The following COMT variants were observed in gnomAD, a reference collection of about 807,000 sequenced individuals.
The protein encoded by COMT is catechol O-methyltransferase.
In COMT, 13 loss-of-function variants were observed where a neutral mutation model predicts 18.9. The ratio of observed to expected loss-of-function variants is 0.69; its 90% CI spans 0.45 to 1.09. The LOEUF (loss-of-function observed/expected upper bound fraction) is 1.09, where lower values mean the gene tolerates loss of function less well. COMT is among the 50% of genes least tolerant of loss of function. The probability of loss-of-function intolerance (pLI) is 0.00; values close to 1 mark genes in which losing one functional copy is unlikely to be tolerated. For missense variants in COMT, 329 were observed against 361.8 expected (o/e 0.91, Z 0.73); for synonymous variants, 150 against 160.9 (o/e 0.93, Z 0.51).
In COMT at chr22:19,964,164, C is replaced by T. The variant is rs764440706; in HGVS notation, c.484-4C>T. The stretch of plus-strand genomic sequence containing the variant: ...GACGTGGGCACTGACAGGCGCTGTT[C>T]CAGGTCACCCTTGTGGTTGGAGCGT... On this transcript the variant is annotated splice_region_variant and splice_polypyrimidine_tract_variant and intron_variant, in intron 4 of 5. Coordinates refer to ENST00000361682, the MANE Select transcript of COMT (RefSeq NM_000754.4). The T allele has an allele frequency of 6.2e-6, 10 of 1,614,034 alleles. No individual in the cohort carries two copies. Among genetic ancestry groups the T allele is most frequent in the Non-Finnish European group, 8.5e-6 (10 of 1,180,032 alleles).
intron 1 of COMT, among the ~76,000 whole-genome samples, chr22:19,956,025 A>G (rs1319788728): frequency 6.6e-6 from 1 of 152,094 alleles, no homozygotes; most frequent in Non-Finnish European, 1.5e-5. Context: ...CAAAGTGTCA[A>G]TCACTCTTCT....
At chr22:19,958,575 T>TAAAAAAAAAA (rs361574) in intron 1 of COMT, among the ~76,000 whole-genome samples, 1 of 121,664 alleles carries the variant, frequency 8.2e-6, no homozygotes, top group Non-Finnish European at 1.7e-5. Flanking sequence ...TTATTTTCCT[T>TAAAAAAAAAA]AAAAAAAAAA....
intron 1 of COMT, among the ~76,000 whole-genome samples, chr22:19,947,534 C>A (rs1475954280): frequency 6.6e-6 from 1 of 151,772 alleles, no homozygotes; most frequent in African/African-American, 2.4e-5. Flanking sequence ...GGGGCCCTTC[C>A]CTGTTTGGCA....
At position 19,968,581 on chromosome 22, in the gene COMT, G is replaced by A. The variant is rs775712233; in HGVS notation, c.661G>A (p.Val221Met). Residue 221 changes from valine (V) to methionine (M), a missense_variant, in exon 6 of 6, where the codon GTG becomes ATG. By Grantham distance (21) the Val-to-Met change is conservative. Transcript: ENST00000361682. The stretch of plus-strand genomic sequence containing the variant: ...GGGGACAGTGCTACTGGCTGACAAC[G>A]TGATCTGCCCAGGTGCGCCAGACTT... The part of the protein sequence containing the change: ...RKGTVLLADN[V>M]ICPGAPDFLA... 26 of 1,613,972 alleles carry A rather than the reference G, an allele frequency of 1.6e-5. No individual in the cohort carries two copies. The Admixed American group carries it at 3.8e-4, about 24-fold the overall frequency.
chr22:19,964,674 C>A (rs1438612056), intron 5 of COMT: 2 of 575,464 alleles, frequency 3.5e-6, no homozygotes, highest in Non-Finnish European at 6.2e-6. Flanking sequence ...CTCCCCCAAG[C>A]AAGCCACTGC....
At chr22:19,953,970 G>A (rs1261619529) in intron 1 of COMT, among the ~76,000 whole-genome samples, 1 of 152,208 alleles carries the variant, frequency 6.6e-6, no homozygotes, top group African/African-American at 2.4e-5. Context: ...TGGAAGGGAG[G>A]GGAGGGGGCC....
At chr22:19,944,262 T>C (rs1019899735) in intron 1 of COMT, among the ~76,000 whole-genome samples, 6 of 152,160 alleles carry the variant, frequency 3.9e-5, no homozygotes, top group Non-Finnish European at 8.8e-5. Context: ...ACCTCAAGGA[T>C]AGGCCGGGCC....
Position 19,968,711 on chromosome 22 carries a change from G to T in COMT, c.791G>T (p.Gly264Val), listed in dbSNP as rs1030230368. The T allele has an allele frequency of 1.9e-6, 3 of 1,612,076 alleles. No homozygotes were observed. The Admixed American group carries it at 5.0e-5, about 27-fold the overall frequency. The change falls in exon 6 of 6, where the codon GGC becomes GTC. Residue 264 changes from glycine to valine, a missense_variant. Physicochemically the swap from Gly to Val is moderately radical, Grantham distance 109 (BLOSUM62 -3). Coordinates refer to ENST00000361682, the MANE Select transcript of COMT (RefSeq NM_000754.4). ...VDGLEKAIYKGPGSEAGP is the reference protein window; with the variant it reads ...VDGLEKAIYKVPGSEAGP ...GGCCTGGAGAAGGCCATCTACAAGG[G>T]CCCAGGCAGCGAAGCAGGGCCCTGA... is the stretch of plus-strand genomic sequence containing the variant.
In COMT at chr22:19,959,611, G is replaced by A. The variant is rs932108816; in HGVS notation, c.-91-1588G>A. ...GTGGGCAGGGGCCAGGGCTCTGTTG[G>A]TGGCCCGGGGCAGCCAGTCCCTCTG... On this transcript the variant is annotated intron_variant, in intron 1 of 5. Transcript: ENST00000361682. Among the ~76,000 whole-genome samples the A allele has an allele frequency of 2.6e-5, 4 of 152,364 alleles. No homozygotes were observed. The East Asian group carries it at 7.7e-4, about 29-fold the overall frequency.
intron 5 of COMT, 59 bp downstream of exon 5, chr22:19,964,358 C>A (rs111751566): frequency 1.1e-5 from 17 of 1,612,210 alleles, no homozygotes; most frequent in Middle Eastern, 1.7e-4. Flanking sequence ...ATTCAGTCAG[C>A]CTCAGCCTCT....
At chr22:19,960,315 T>A (rs1321245537) in intron 1 of COMT, among the ~76,000 whole-genome samples, 2 of 152,176 alleles carry the variant, frequency 1.3e-5, no homozygotes, top group Non-Finnish European at 2.9e-5. Context: ...ATACTAGTAG[T>A]CATTATAGAT....
intron 1 of COMT, among the ~76,000 whole-genome samples, chr22:19,959,799 TCCCCCA>T: frequency 6.9e-6 from 1 of 144,956 alleles, no homozygotes; most frequent in South Asian, 2.2e-4. Context: ...CACTTCCCCA[TCCCCCA>T]TGGCTCTTGG....
chr22:19,968,661 C>T lies in COMT; in HGVS notation c.741C>T (p.Phe247=), dbSNP rs546326145. ...TTGAGTGCACACACTACCAATCGTT[C>T]CTGGAATACAGGGAGGTGGTGGACG... ...SCFECTHYQS[F]LEYREVVDGL... The change falls in exon 6 of 6, where the codon TTC becomes TTT. Residue 247 remains phenylalanine, a synonymous_variant. Coordinates refer to ENST00000361682, the MANE Select transcript of COMT (RefSeq NM_000754.4). 1.2e-6 allele frequency: 2 copies of T among 1,614,076 alleles called. No individual in the cohort carries two copies. The highest frequency in any genetic ancestry group is 4.5e-5 in the East Asian group (2 of 44,884).
rs889790482 is a variant in COMT at position 19,968,882 on chromosome 22, C to T, written c.*146C>T. 3 of 702,900 alleles carry T rather than the reference C, an allele frequency of 4.3e-6. No individual in the cohort carries two copies. In the Admixed American group the frequency reaches 6.5e-5, roughly 15 times the overall value. 43.5% of individuals were successfully genotyped at this position (702,900 alleles called of 1,614,324 possible). On this transcript the variant is annotated 3_prime_UTR_variant, in exon 6 of 6. Transcript: ENST00000361682. ...CGAGGCCTGCGCCCTGACATGCTAACCTCTCTGAACTGCAACACTGGATTG... is the reference window on the plus strand; with the variant it reads ...CGAGGCCTGCGCCCTGACATGCTAATCTCTCTGAACTGCAACACTGGATTG...
At chr22:19,957,939 G>T (rs1942100870) in intron 1 of COMT, among the ~76,000 whole-genome samples, 1 of 152,108 alleles carries the variant, frequency 6.6e-6, no homozygotes, top group Admixed American at 6.5e-5. Context: ...TATCCATTCA[G>T]GTGCTAACGG....
Position 19,968,621 on chromosome 22 carries a change from G to A in COMT, c.701G>A (p.Arg234His), listed in dbSNP as rs200150695. The A allele has an allele frequency of 1.1e-5, 18 of 1,613,970 alleles. No homozygotes were observed. Among genetic ancestry groups the A allele is most frequent in the Admixed American group, 1.7e-5 (1 of 60,014 alleles). The change falls in exon 6 of 6, where the codon CGC (arginine) becomes CAC (histidine). Residue 234 changes from arginine (R) to histidine (H), a missense_variant. Arg to His is a conservative substitution (Grantham distance 29). Coordinates refer to ENST00000361682, the MANE Select transcript of COMT (RefSeq NM_000754.4). Reference sequence around the variant, plus strand: ...GCGCCAGACTTCCTAGCACACGTGCGCGGGAGCAGCTGCTTTGAGTGCACA... The same window carrying A: ...GCGCCAGACTTCCTAGCACACGTGCACGGGAGCAGCTGCTTTGAGTGCACA... Reference protein sequence around the residue: ...PGAPDFLAHVRGSSCFECTHY... With the variant: ...PGAPDFLAHVHGSSCFECTHY...
intron 1 of COMT, among the ~76,000 whole-genome samples, chr22:19,944,404 C>T (rs898508405): frequency 5.3e-5 from 8 of 152,072 alleles, no homozygotes; most frequent in Admixed American, 3.3e-4. Flanking sequence ...AAACATTAGC[C>T]GGGCGTGGTG....
At chr22:19,947,224 C>T (rs981294505) in intron 1 of COMT, among the ~76,000 whole-genome samples, 1 of 151,512 alleles carries the variant, frequency 6.6e-6, no homozygotes, top group Non-Finnish European at 1.5e-5. Flanking sequence ...CCCTAAATAA[C>T]ATTTTTTATT....
intron 2 of COMT, chr22:19,962,207 T>G (rs1004997264): frequency 6.9e-6 from 3 of 432,558 alleles, no homozygotes; most frequent in Non-Finnish European, 1.3e-5. Flanking sequence ...AGTCCGTGTC[T>G]GCTTCTGTAT....
Sources: gnomAD v4.1 joint callset for allele counts (sites outside exome capture counted in the v4.1 genomes callset) on GRCh38, gnomAD v4.1.1 for gene constraint, MANE v1.5 for transcripts, NCBI Gene and HGNC (gene_info 2026-07-23, HGNC 2026-07-21) for gene names.